The following PTPRD variants were observed in gnomAD, a reference collection of about 807,000 sequenced individuals.
PTPRD encodes protein tyrosine phosphatase receptor type D.
PTPRD carries 34 observed loss-of-function variants against 214.5 expected under a neutral mutation model. The observed-to-expected ratio is 0.16, with a 90% CI of 0.12 to 0.21. The LOEUF is 0.21. PTPRD is among the 10% of genes least tolerant of loss of function. The pLI, the probability that PTPRD is intolerant of heterozygous loss-of-function variation, is 1.00. For missense variants in PTPRD, 2,545 were observed against 2,398.7 expected (o/e 1.06, Z -1.27); for synonymous variants, 1,128 against 845.7 (o/e 1.33, Z -5.79).
intron 11 of PTPRD, among the ~76,000 whole-genome samples, chr9:8,753,282 G>C (rs1038080824): frequency 6.6e-6 from 1 of 152,150 alleles, no homozygotes; most frequent in Admixed American, 6.5e-5. Flanking sequence ...TTCCTTTCTG[G>C]TGATATAATG....
chr9:9,151,361 C>T (rs1458581148), intron 10 of PTPRD, among the ~76,000 whole-genome samples: 1 of 152,144 alleles, frequency 6.6e-6, no homozygotes, highest in Non-Finnish European at 1.5e-5. Context: ...CAACCTGGGT[C>T]ACAGATCACA....
chr9:8,923,399 C>T (rs777613967), intron 11 of PTPRD, among the ~76,000 whole-genome samples: 4 of 151,888 alleles, frequency 2.6e-5, no homozygotes, highest in Non-Finnish European at 5.9e-5. Flanking sequence ...AGCAATAAAA[C>T]GAGTCATACC....
intron 11 of PTPRD, among the ~76,000 whole-genome samples, chr9:8,780,400 A>G (rs1385525218): frequency 1.3e-5 from 2 of 152,204 alleles, no homozygotes; most frequent in African/African-American, 4.8e-5. Flanking sequence ...ACAATAGCCA[A>G]GAATTTGAAC....
At chr9:9,195,355 T>C (rs1383401494) in intron 9 of PTPRD, among the ~76,000 whole-genome samples, 1 of 152,056 alleles carries the variant, frequency 6.6e-6, no homozygotes, top group Non-Finnish European at 1.5e-5. Context: ...GAATTGATGC[T>C]TTAAAGGATG....
chr9:8,939,211 T>G (rs1389752609), intron 11 of PTPRD, among the ~76,000 whole-genome samples: 1 of 152,148 alleles, frequency 6.6e-6, no homozygotes, highest in African/African-American at 2.4e-5. Context: ...CTCACCCCCT[T>G]AGAATGGAGA....
intron 11 of PTPRD, among the ~76,000 whole-genome samples, chr9:8,881,609 G>T (rs891424255): frequency 6.6e-6 from 1 of 152,206 alleles, no homozygotes; most frequent in Non-Finnish European, 1.5e-5. Context: ...TTCAACGTAC[G>T]TGTTTTTCTA....
chr9:10,563,226 C>T (rs1245216848), intron 2 of PTPRD, among the ~76,000 whole-genome samples: 5 of 152,146 alleles, frequency 3.3e-5, no homozygotes, highest in Non-Finnish European at 7.4e-5. Context: ...CCAATAAGAA[C>T]TCTTCCTTAT....
intron 8 of PTPRD, among the ~76,000 whole-genome samples, chr9:9,469,418 T>C (rs1281908165): frequency 1.3e-5 from 2 of 152,142 alleles, no homozygotes; most frequent in African/African-American, 4.8e-5. Flanking sequence ...GCTCACTGGG[T>C]CTCACATGAC....
intron 8 of PTPRD, among the ~76,000 whole-genome samples, chr9:9,466,234 A>C (rs1367478397): frequency 6.6e-6 from 1 of 152,084 alleles, no homozygotes; most frequent in East Asian, 1.9e-4. Context: ...GCTTGGGCCT[A>C]GGAGGTTGAG....
chr9:9,354,338 C>T (rs1052495484), intron 9 of PTPRD, among the ~76,000 whole-genome samples: 1 of 151,736 alleles, frequency 6.6e-6, no homozygotes, highest in Non-Finnish European at 1.5e-5. Context: ...ATAAAATTTT[C>T]TTACTAAAAT....
chr9:9,901,012 G>T (rs920787782), intron 5 of PTPRD, among the ~76,000 whole-genome samples: 1 of 152,100 alleles, frequency 6.6e-6, no homozygotes, highest in Non-Finnish European at 1.5e-5. Context: ...AAGAAAAGAG[G>T]TTTATTTGTC....
intron 9 of PTPRD, among the ~76,000 whole-genome samples, chr9:9,239,215 CA>C (rs946292929): frequency 1.7e-4 from 25 of 148,178 alleles, no homozygotes; most frequent in Non-Finnish European, 3.6e-4. Flanking sequence ...AAAAAAACCA[CA>C]AGTATTCTGT....
chr9:10,309,975 A>G (rs915547507), intron 3 of PTPRD, among the ~76,000 whole-genome samples: 3 of 152,048 alleles, frequency 2.0e-5, no homozygotes, highest in Non-Finnish European at 4.4e-5. Flanking sequence ...TTTTAATGAA[A>G]TAATATGTTC....
At chr9:9,559,858 T>A (rs992662299) in intron 8 of PTPRD, among the ~76,000 whole-genome samples, 4 of 152,128 alleles carry the variant, frequency 2.6e-5, no homozygotes, top group African/African-American at 9.7e-5. Context: ...GGTGCATAAG[T>A]GGAGAGCCAA....
chr9:9,964,230 G>C (rs192739448), intron 4 of PTPRD, among the ~76,000 whole-genome samples: 154 of 152,300 alleles, frequency 1.0e-3, no homozygotes, highest in African/African-American at 2.7e-3. Context: ...TTTAGTTTGG[G>C]AGTGAGGGAA....
intron 33 of PTPRD, among the ~76,000 whole-genome samples, chr9:8,456,249 C>T (rs1187580040): frequency 2.0e-5 from 3 of 152,128 alleles, no homozygotes; most frequent in Non-Finnish European, 2.9e-5. Context: ...GACAGTAACG[C>T]AGTAGGTTCT....
intron 7 of PTPRD, among the ~76,000 whole-genome samples, chr9:9,702,931 T>A (rs547227032): frequency 6.6e-6 from 1 of 152,198 alleles, no homozygotes; most frequent in Non-Finnish European, 1.5e-5. Flanking sequence ...TGGATCTATA[T>A]ATGAGTCTAG....
At position 9,277,868 on chromosome 9, in the gene PTPRD, A is replaced by G. The variant is rs143472364; in HGVS notation, c.-202-94505T>C. Among the ~76,000 whole-genome samples the G allele has an allele frequency of 4.9e-4, 74 of 151,550 alleles. No homozygotes were observed. In the East Asian group the frequency reaches 0.014, roughly 29 times the overall value. ...AATCCAGAAAATTGTGTTTCTTAAG[A>G]ACATACATCTTTCACAAGAAATGCT... On this transcript the variant is annotated intron_variant, in intron 9 of 45. Transcript: ENST00000381196.
intron 10 of PTPRD, among the ~76,000 whole-genome samples, chr9:9,135,479 C>T (rs2099849438): frequency 1.3e-5 from 2 of 152,148 alleles, no homozygotes; most frequent in African/African-American, 4.8e-5. Context: ...ACCAGGACTT[C>T]TTCACATTGC....
Sources: allele counts gnomAD v4.1 joint callset (sites outside exome capture counted in the v4.1 genomes callset), GRCh38; gene constraint gnomAD v4.1.1; transcripts MANE v1.5; gene names NCBI Gene and HGNC (gene_info 2026-07-23, HGNC 2026-07-21).